The following CFAP299 variants were observed in gnomAD, a reference collection of about 807,000 sequenced individuals.
CFAP299 encodes the protein cilia- and flagella-associated protein 299.
Under a neutral mutation model 27.0 loss-of-function variants are expected in CFAP299, and 21 were observed. The ratio of observed to expected loss-of-function variants is 0.78; its 90% CI spans 0.55 to 1.12. The LOEUF is 1.12. Ranked by LOEUF, CFAP299 falls within the 50% of genes most tolerant of loss-of-function variation. The pLI, the probability that CFAP299 is intolerant of heterozygous loss-of-function variation, is 0.00. For synonymous variants in CFAP299, 104 were observed against 98.1 expected, an observed-to-expected ratio of 1.06 and a Z score of -0.36; for missense variants, 310 against 276.6, an observed-to-expected ratio of 1.12 and a Z score of -0.86.
intron 3 of CFAP299, among the ~76,000 whole-genome samples, chr4:80,698,844 A>C (rs1721279424): frequency 6.6e-6 from 1 of 152,134 alleles, no homozygotes; most frequent in South Asian, 2.1e-4. Context: ...CTCACTCACT[A>C]TCATGAGAAC....
At chr4:80,696,282 G>T (rs1456665913) in intron 3 of CFAP299, among the ~76,000 whole-genome samples, 2 of 116,232 alleles carry the variant, frequency 1.7e-5, no homozygotes, top group African/African-American at 6.4e-5. Flanking sequence ...CTGGACAACA[G>T]AGCTCCGTCT....
intron 4 of CFAP299, among the ~76,000 whole-genome samples, chr4:80,914,478 T>G (rs1735646647): frequency 6.6e-6 from 1 of 152,096 alleles, no homozygotes; most frequent in Non-Finnish European, 1.5e-5. Context: ...TCCTCTACCC[T>G]CTAGATGTCA....
chr4:80,530,046 A>C (rs1733391941), intron 2 of CFAP299, among the ~76,000 whole-genome samples: 1 of 152,192 alleles, frequency 6.6e-6, no homozygotes, highest in South Asian at 2.1e-4. Flanking sequence ...TATTTTTTTC[A>C]GACTATAATT....
intron 2 of CFAP299, among the ~76,000 whole-genome samples, chr4:80,380,007 A>G (rs954393379): frequency 6.6e-6 from 1 of 152,134 alleles, no homozygotes; most frequent in African/African-American, 2.4e-5. Context: ...GAATGTCGTT[A>G]TGTCCAACTA....
intron 4 of CFAP299, among the ~76,000 whole-genome samples, chr4:80,909,918 A>T (rs906323002): frequency 5.3e-5 from 8 of 152,154 alleles, no homozygotes; most frequent in African/African-American, 1.4e-4. Flanking sequence ...TACAAATGGA[A>T]TTCAAATAAC....
At chr4:80,706,319 C>T (rs1007643320) in intron 3 of CFAP299, among the ~76,000 whole-genome samples, 2 of 151,536 alleles carry the variant, frequency 1.3e-5, no homozygotes, top group African/African-American at 4.8e-5. Flanking sequence ...CAGAACCCCC[C>T]TGTATTGTCT....
At chr4:80,956,789 T>C (rs1256495909) in intron 5 of CFAP299, among the ~76,000 whole-genome samples, 1 of 152,156 alleles carries the variant, frequency 6.6e-6, no homozygotes, top group Non-Finnish European at 1.5e-5. Context: ...CCTACTTTCC[T>C]GTAGGTTTTT....
chr4:80,641,533 G>A (rs1043705229), intron 3 of CFAP299, among the ~76,000 whole-genome samples: 3 of 152,076 alleles, frequency 2.0e-5, no homozygotes, highest in Non-Finnish European at 4.4e-5. Context: ...AGTTCAAAAT[G>A]GTATTTAGCT....
Position 80,390,878 on chromosome 4 carries a change from T to TATATGTATATACACACATATATGC in CFAP299, c.242+27998_242+27999insGTATATACACACATATATGCATAT, listed in dbSNP as rs1560543901. On this transcript the variant is annotated intron_variant, in intron 2 of 5. Transcript: ENST00000358105. ...GTATATGTATATGCGCACATATATG[T>TATATGTATATACACACATATATGC]ATATATGTATATACACACATATGCA... Among the ~76,000 whole-genome samples the TATATGTATATACACACATATATGC allele has an allele frequency of 3.6e-4, 24 of 66,658 alleles. 1 individual carries two copies. Among genetic ancestry groups the TATATGTATATACACACATATATGC allele is most frequent in the South Asian group, 1.9e-3 (4 of 2,088 alleles). The allele number at this position is 66,658 out of a possible 152,430, so 43.7% of individuals were successfully genotyped here.
At chr4:80,921,514 A>G (rs17005004) in intron 4 of CFAP299, among the ~76,000 whole-genome samples, 11,978 of 152,114 alleles carry the variant, frequency 0.079, 551 homozygotes, top group Middle Eastern at 0.18. Context: ...ACTGAAAAAC[A>G]GCAGGTATAT....
At chr4:80,613,194 CACCTAT>C (rs1738089167) in intron 3 of CFAP299, among the ~76,000 whole-genome samples, 2 of 152,082 alleles carry the variant, frequency 1.3e-5, no homozygotes, top group South Asian at 4.1e-4. Context: ...TGTCATAAGT[CACCTAT>C]ACCAGTTTAA....
At chr4:80,753,310 T>C (rs936656982) in intron 3 of CFAP299, among the ~76,000 whole-genome samples, 24 of 152,162 alleles carry the variant, frequency 1.6e-4, no homozygotes, top group African/African-American at 4.3e-4. Flanking sequence ...CTTAGAGATA[T>C]TACTTCATCA....
chr4:80,375,790 C>G (rs1313971338), intron 2 of CFAP299, among the ~76,000 whole-genome samples: 1 of 152,170 alleles, frequency 6.6e-6, no homozygotes, highest in Non-Finnish European at 1.5e-5. Context: ...GGTTCTTGAA[C>G]CACCAGTTTA....
At chr4:80,714,264 G>A (rs1182598801) in intron 3 of CFAP299, among the ~76,000 whole-genome samples, 1 of 152,036 alleles carries the variant, frequency 6.6e-6, no homozygotes, top group African/African-American at 2.4e-5. Flanking sequence ...CATAATGCCT[G>A]GGAAGGGCTG....
intron 3 of CFAP299, among the ~76,000 whole-genome samples, chr4:80,654,657 A>G (rs1170260001): frequency 6.6e-6 from 1 of 152,082 alleles, no homozygotes; most frequent in Admixed American, 6.6e-5. Context: ...TTAGGCTGAA[A>G]TGCACAGGCA....
At chr4:80,700,894 T>G (rs955292645) in intron 3 of CFAP299, among the ~76,000 whole-genome samples, 1 of 152,012 alleles carries the variant, frequency 6.6e-6, no homozygotes. Context: ...TAATAAATAC[T>G]AATGATTTAC....
the CFAP299 span, among the ~76,000 whole-genome samples, chr4:80,327,202 A>C: frequency 7.2e-5 from 11 of 152,288 alleles, no homozygotes; most frequent in African/African-American, 2.6e-4. Context: ...TGATATCAGA[A>C]GGACAAAAAG....
intron 2 of CFAP299, among the ~76,000 whole-genome samples, chr4:80,568,935 G>A (rs1735446259): frequency 6.6e-6 from 1 of 152,090 alleles, no homozygotes; most frequent in South Asian, 2.1e-4. Flanking sequence ...TATAGCCTCA[G>A]TAAGTAAATT....
At chr4:80,680,508 T>C (rs1205035841) in intron 3 of CFAP299, among the ~76,000 whole-genome samples, 1 of 152,180 alleles carries the variant, frequency 6.6e-6, no homozygotes, top group Non-Finnish European at 1.5e-5. Context: ...AATTATTTTG[T>C]AACAAGGGCA....
Sources: gnomAD v4.1 joint callset for allele counts (sites outside exome capture counted in the v4.1 genomes callset) on GRCh38, gnomAD v4.1.1 for gene constraint, MANE v1.5 for transcripts, NCBI Gene and HGNC (gene_info 2026-07-23, HGNC 2026-07-21) for gene names.